The following DUSP11 variants were observed in gnomAD, a reference collection of about 807,000 sequenced individuals.
The protein encoded by DUSP11 is dual specificity phosphatase 11.
A neutral mutation model predicts 41.4 loss-of-function variants in DUSP11; 27 were observed. That is an observed-to-expected ratio of 0.65 (90% CI 0.48 to 0.90). DUSP11 has a LOEUF of 0.90. DUSP11 is among the 40% of genes least tolerant of loss of function. DUSP11 has a pLI of 0.00. For missense variants in DUSP11, 465 were observed against 461.1 expected (o/e 1.01, Z -0.08); for synonymous variants, 188 against 159.3 (o/e 1.18, Z -1.35).
intron 8 of DUSP11, among the ~76,000 whole-genome samples, chr2:73,763,582 G>T (rs1044795501): frequency 6.6e-6 from 1 of 152,166 alleles, no homozygotes; most frequent in Non-Finnish European, 1.5e-5. Flanking sequence ...AGTTAGCCAG[G>T]TGTGGTGGTG....
At chr2:73,779,350 T>C (rs1672748318) in intron 1 of DUSP11, 2 of 166,032 alleles carry the variant, frequency 1.2e-5, no homozygotes, top group South Asian at 1.4e-4. Context: ...AACAGTTCAA[T>C]GCACCTACGT....
chr2:73,775,038 CAA>C lies in DUSP11; in HGVS notation c.323_324del (p.Phe108Ter). On this transcript the variant is annotated frameshift_variant, in exon 3 of 9. Transcript: ENST00000272444. LOFTEE classifies it high-confidence loss of function. ...CATTCTTCTGGAGCAAGTTTCTTTT[CAA>C]AACTCTGTCACAGAGAATGAAATAA... 1.9e-6 allele frequency: 3 copies of C among 1,609,564 alleles called. No individual in the cohort carries two copies. The highest frequency in any genetic ancestry group is 2.5e-6 in the Non-Finnish European group (3 of 1,178,554).
At chr2:73,766,845 C>G (rs1268097163) in exon 7 of DUSP11, 1 of 1,612,900 alleles carries the variant, frequency 6.2e-7, no homozygotes, top group South Asian at 1.1e-5. Context: ...TAGGACCATT[C>G]TGAAGGTCTT....
chr2:73,778,704 AT>A (rs1672731530), intron 1 of DUSP11, among the ~76,000 whole-genome samples: 4 of 152,184 alleles, frequency 2.6e-5, no homozygotes, highest in African/African-American at 9.7e-5. Context: ...ATACAAACAT[AT>A]TCACTGAAAT....
At chr2:73,777,662 C>T (rs202241807) in intron 2 of DUSP11, among the ~76,000 whole-genome samples, 47 of 152,326 alleles carry the variant, frequency 3.1e-4, no homozygotes, top group African/African-American at 1.0e-3. Flanking sequence ...GTAAGGGTTA[C>T]AAATTCTAAA....
chr2:73,778,007 C>T (rs2103951224), intron 2 of DUSP11, among the ~76,000 whole-genome samples: 1 of 152,164 alleles, frequency 6.6e-6, no homozygotes, highest in Middle Eastern at 3.4e-3. Flanking sequence ...GCAACTATTA[C>T]TCTATGTCTT....
At position 73,767,167 on chromosome 2, in the gene DUSP11, T is replaced by C. The variant is rs1672481575; in HGVS notation, c.676A>G (p.Ile226Val). The change falls in exon 6 of 9, where the codon ATT (isoleucine) becomes GTT (valine). Residue 226 changes from isoleucine to valine, a missense_variant. Transcript: ENST00000272444. ...TGTCAACCCTCATACTTACATTCAATTGCATCATCTGGCCTCACGCCTTCT... is the reference window on the plus strand; with the variant it reads ...TGTCAACCCTCATACTTACATTCAACTGCATCATCTGGCCTCACGCCTTCT... 1.7e-5 allele frequency: 28 copies of C among 1,611,980 alleles called. No individual in the cohort carries two copies. Among genetic ancestry groups the C allele is most frequent in the Non-Finnish European group, 2.3e-5 (27 of 1,178,520 alleles).
intron 5 of DUSP11, 151 bp from the exon 6 acceptor site, chr2:73,767,358 A>C (rs1188818952): frequency 1.6e-6 from 1 of 616,466 alleles, no homozygotes; most frequent in Non-Finnish European, 2.8e-6. Flanking sequence ...AAAGAATGAC[A>C]TACCATGACC....
chr2:73,769,089 T>G, intron 5 of DUSP11, 176 bp downstream of exon 5: 1 of 547,158 alleles, frequency 1.8e-6, no homozygotes, highest in Non-Finnish European at 3.2e-6. Context: ...TCTGCATTTT[T>G]AGAGTCTGAA....
Position 73,779,962 on chromosome 2 carries a change from G to A in DUSP11, c.154C>T (p.His52Tyr), listed in dbSNP as rs753072557. ...CGGCCCCAGCCACTGCGGGGATGATGCCACTGGCTCATGTGGGTCCCAAGA... is the reference window on the plus strand; with the variant it reads ...CGGCCCCAGCCACTGCGGGGATGATACCACTGGCTCATGTGGGTCCCAAGA... The change falls in exon 1 of 9, where the codon CAT becomes TAT. Residue 52 changes from histidine to tyrosine, a missense_variant. Transcript: ENST00000272444. The A allele has an allele frequency of 2.5e-6, 4 of 1,614,256 alleles. No individual in the cohort carries two copies. In the Admixed American group the frequency reaches 6.7e-5, roughly 27 times the overall value.
At chr2:73,774,930 G>T in exon 3 of DUSP11, 1 of 1,597,734 alleles carries the variant, frequency 6.3e-7, no homozygotes, top group Non-Finnish European at 8.5e-7. Flanking sequence ...TTATAATAGC[G>T]TTGAGTATAT....
intron 3 of DUSP11, among the ~76,000 whole-genome samples, chr2:73,774,565 T>A (rs367798045): frequency 6.6e-6 from 1 of 152,218 alleles, no homozygotes; most frequent in Non-Finnish European, 1.5e-5. Flanking sequence ...ACCTCATAGA[T>A]CCTTTAGTCT....
chr2:73,767,791 G>A (rs1672495575), intron 5 of DUSP11: 1 of 152,598 alleles, frequency 6.6e-6, no homozygotes, highest in Non-Finnish European at 1.5e-5. Context: ...CCACCATTAT[G>A]CCTCAGTTCC....
intron 4 of DUSP11, among the ~76,000 whole-genome samples, chr2:73,771,978 G>A (rs1310045037): frequency 1.4e-5 from 2 of 147,372 alleles, no homozygotes; most frequent in Admixed American, 6.8e-5. Context: ...CTGCCACCAC[G>A]CCTGGCTAAT....
intron 7 of DUSP11, 68 bp downstream of exon 7, chr2:73,766,760 G>T (rs1672474007): frequency 1.4e-6 from 2 of 1,416,612 alleles, no homozygotes; most frequent in Non-Finnish European, 2.0e-6. Flanking sequence ...ATGAACATAT[G>T]CAACTTAAAT....
At chr2:73,775,904 C>T (rs981129582) in intron 2 of DUSP11, among the ~76,000 whole-genome samples, 3 of 149,334 alleles carry the variant, frequency 2.0e-5, no homozygotes, top group African/African-American at 7.4e-5. Flanking sequence ...AGGGTCTTGC[C>T]GTCTTGCCAT....
In DUSP11 at chr2:73,767,149, C is replaced by T. The variant is rs1363911689; in HGVS notation, c.682+12G>A. The T allele has an allele frequency of 9.4e-6, 15 of 1,603,612 alleles. No individual in the cohort carries two copies. Among genetic ancestry groups the T allele is most frequent in the African/African-American group, 1.3e-5 (1 of 74,610 alleles). ...AATAAAAGGGAAAAATAGTGTCAACCCTCATACTTACATTCAATTGCATCA... is the reference window on the plus strand; with the variant it reads ...AATAAAAGGGAAAAATAGTGTCAACTCTCATACTTACATTCAATTGCATCA... On this transcript the variant is annotated intron_variant, in intron 6 of 8. Transcript: ENST00000272444.
chr2:73,773,608 A>T, intron 4 of DUSP11, 192 bp downstream of exon 4: 1 of 526,718 alleles, frequency 1.9e-6, no homozygotes, highest in Non-Finnish European at 3.3e-6. Flanking sequence ...AAACTAATTT[A>T]ACATTCCAAA....
At chr2:73,762,256 G>C (rs1672381579) in exon 9 of DUSP11, 1 of 152,948 alleles carries the variant, frequency 6.5e-6, no homozygotes, top group South Asian at 2.0e-4. Flanking sequence ...AACAGTTATA[G>C]AAAATAAAGA....
Sources: gnomAD v4.1 joint callset for allele counts (sites outside exome capture counted in the v4.1 genomes callset) on GRCh38, gnomAD v4.1.1 for gene constraint, MANE v1.5 for transcripts, NCBI Gene and HGNC (gene_info 2026-07-23, HGNC 2026-07-21) for gene names.